Variants in PHYH observed in about 807,000 individuals in gnomAD.
PHYH encodes phytanoyl-CoA 2-hydroxylase.
In PHYH, 32 loss-of-function variants were observed where a neutral mutation model predicts 38.5. The observed-to-expected ratio is 0.83, with a 90% CI of 0.63 to 1.12. The LOEUF is 1.12. PHYH is among the 50% of genes most tolerant of loss of function. The pLI is 0.00. For missense variants in PHYH, 426 were observed against 434.8 expected, an observed-to-expected ratio of 0.98 and a Z score of 0.18; for synonymous variants, 166 against 157.9, an observed-to-expected ratio of 1.05 and a Z score of -0.38.
At chr10:13,289,484 C>T (rs1021638635) in intron 5 of PHYH, among the ~76,000 whole-genome samples, 1 of 152,196 alleles carries the variant, frequency 6.6e-6, no homozygotes, top group Non-Finnish European at 1.5e-5. Flanking sequence ...CGTGAGCCAC[C>T]ACGCCCGGCC....
intron 7 of PHYH, among the ~76,000 whole-genome samples, chr10:13,281,381 G>A (rs1835410629): frequency 6.7e-6 from 1 of 150,174 alleles, no homozygotes; most frequent in Admixed American, 6.6e-5. Flanking sequence ...ATGGAATTAT[G>A]TCAGTAAGAG....
intron 1 of PHYH, 141 bp downstream of exon 1, chr10:13,299,827 G>C (rs577124963): frequency 7.5e-7 from 1 of 1,325,002 alleles, no homozygotes; most frequent in African/African-American, 1.6e-5. Context: ...ACGCGACCCA[G>C]GCGGGGACGC....
chr10:13,298,897 A>G (rs11258314), intron 1 of PHYH, among the ~76,000 whole-genome samples: 93,058 of 146,160 alleles, frequency 0.64, 30,496 homozygotes, highest in East Asian at 0.79. Flanking sequence ...CTCCAGCCTG[A>G]CCACAGAGCA....
At chr10:13,292,934 A>T (rs1835749065) in intron 4 of PHYH, among the ~76,000 whole-genome samples, 1 of 6,054 alleles carries the variant, frequency 1.7e-4, no homozygotes, top group Non-Finnish European at 3.8e-4. Flanking sequence ...ACTCTGTCTC[A>T]AAAAAAAAAA....
chr10:13,298,561 C>T (rs1463166005), intron 1 of PHYH, among the ~76,000 whole-genome samples: 1 of 151,882 alleles, frequency 6.6e-6, no homozygotes, highest in African/African-American at 2.4e-5. Flanking sequence ...ATTAGCCAGG[C>T]GTGGTGGCGT....
rs140995522 is a variant in PHYH, at chr10:13,288,345, G to A, written c.678+15C>T. Reference sequence around the variant, plus strand: ...AGGAGATTCGGATCAAGACTCAGCCGCCGGGCAGACCTACCTCCCACTTGG... The same window carrying A: ...AGGAGATTCGGATCAAGACTCAGCCACCGGGCAGACCTACCTCCCACTTGG... On this transcript the variant is annotated intron_variant, in intron 6 of 8. Coordinates refer to ENST00000263038, the MANE Select transcript of PHYH (RefSeq NM_006214.4). 6.8e-3 allele frequency: 10,935 copies of A among 1,612,226 alleles called. 58 individuals are homozygous for A. Among genetic ancestry groups the A allele is most frequent in the Non-Finnish European group, 7.6e-3 (9,001 of 1,179,148 alleles).
intron 7 of PHYH, among the ~76,000 whole-genome samples, chr10:13,282,215 C>T (rs1472368634): frequency 6.6e-6 from 1 of 152,152 alleles, no homozygotes; most frequent in African/African-American, 2.4e-5. Flanking sequence ...TGCACCACTG[C>T]ACTCCAGCCT....
intron 6 of PHYH, among the ~76,000 whole-genome samples, chr10:13,287,899 G>A (rs1835593667): frequency 6.6e-6 from 1 of 152,118 alleles, no homozygotes; most frequent in South Asian, 2.1e-4. Flanking sequence ...ACGTGTTAAG[G>A]GCAGGTACAG....
chr10:13,282,417 C>A (rs1835433563), intron 7 of PHYH, among the ~76,000 whole-genome samples: 2 of 151,892 alleles, frequency 1.3e-5, no homozygotes, highest in Admixed American at 6.6e-5. Context: ...CTGGGGAAAC[C>A]CCATCTCTAC....
chr10:13,298,265 A>C lies in PHYH; in HGVS notation c.76-20T>G. ...AGCTACCTAGGATGTGAATTAAGGC[A>C]AATAAAGTAAAATATAGAAGGCCAG... On this transcript the variant is annotated intron_variant, in intron 1 of 8. Coordinates refer to ENST00000263038, the MANE Select transcript of PHYH (RefSeq NM_006214.4). The C allele has an allele frequency of 2.0e-6, 3 of 1,507,558 alleles. No individual in the cohort carries two copies. The highest frequency in any genetic ancestry group is 2.8e-6 in the Non-Finnish European group (3 of 1,083,110). The allele number at this position is 1,507,558 out of a possible 1,614,324, so 93.4% of individuals were successfully genotyped here.
At chr10:13,281,253 G>C (rs1835408423) in intron 7 of PHYH, 143 bp from the exon 8 acceptor site, 1 of 800,950 alleles carries the variant, frequency 1.2e-6, no homozygotes, top group South Asian at 1.5e-5. Context: ...TGCATCCTGT[G>C]TCAATCTCTT....
chr10:13,296,724 CT>C (rs1588518262), intron 2 of PHYH, among the ~76,000 whole-genome samples: 1 of 148,112 alleles, frequency 6.8e-6, no homozygotes, highest in East Asian at 1.9e-4. Context: ...CTTTGGGAGG[CT>C]GAGGTGGGCG....
At chr10:13,286,129 C>G (rs1255214719) in intron 6 of PHYH, among the ~76,000 whole-genome samples, 2 of 152,026 alleles carry the variant, frequency 1.3e-5, no homozygotes, top group African/African-American at 4.8e-5. Flanking sequence ...CCAGGCTGGT[C>G]CTGAACTCCT....
At chr10:13,289,325 A>C (rs1275899186) in intron 5 of PHYH, among the ~76,000 whole-genome samples, 1 of 152,016 alleles carries the variant, frequency 6.6e-6, no homozygotes, top group Admixed American at 6.6e-5. Flanking sequence ...CCTCCCGAGT[A>C]GCTGGGACTA....
intron 8 of PHYH, among the ~76,000 whole-genome samples, chr10:13,279,834 G>A (rs189769772): frequency 1.4e-4 from 21 of 152,276 alleles, no homozygotes; most frequent in African/African-American, 5.1e-4. Flanking sequence ...AGCTCCAGTT[G>A]ACAAAATGTA....
intron 4 of PHYH, among the ~76,000 whole-genome samples, chr10:13,293,504 GTGTC>G (rs952702975): frequency 4.6e-5 from 7 of 152,060 alleles, no homozygotes; most frequent in African/African-American, 1.7e-4. Context: ...GTTTCACCAT[GTGTC>G]TCAGGCTGGT....
At position 13,288,494 on chromosome 10, in the gene PHYH, G is replaced by A. The variant is rs773050136; in HGVS notation, c.544C>T (p.Pro182Ser). 1 of 1,614,192 alleles carries A rather than the reference G, an allele frequency of 6.2e-7. No individual in the cohort carries two copies. Among genetic ancestry groups the A allele is most frequent in the South Asian group, 1.1e-5 (1 of 91,084 alleles). Residue 182 changes from proline to serine, a missense_variant, in exon 6 of 9, where the codon CCC (proline) becomes TCC (serine). Coordinates refer to ENST00000263038, the MANE Select transcript of PHYH (RefSeq NM_006214.4). ...HPLHQDLHYF[P>S]FRPSDLIVCA... ...ACGATGAGATCGCTGGGCCTGAAGGGGAAATAGTGCAGGTCCTGGTGCAGG... is the reference window on the plus strand; with the variant it reads ...ACGATGAGATCGCTGGGCCTGAAGGAGAAATAGTGCAGGTCCTGGTGCAGG...
At chr10:13,285,544 T>C (rs1397931924) in intron 6 of PHYH, among the ~76,000 whole-genome samples, 1 of 151,992 alleles carries the variant, frequency 6.6e-6, no homozygotes, top group African/African-American at 2.4e-5. Context: ...TCATTCTCCC[T>C]GCTTTAACAA....
At chr10:13,291,522 A>G (rs558309306) in intron 5 of PHYH, 1 of 388,926 alleles carries the variant, frequency 2.6e-6, no homozygotes, top group South Asian at 2.8e-5. Flanking sequence ...TCACTGTGTC[A>G]CGCAGGCTGG....
Sources: allele counts gnomAD v4.1 joint callset (sites outside exome capture counted in the v4.1 genomes callset), GRCh38; gene constraint gnomAD v4.1.1; transcripts MANE v1.5; gene names NCBI Gene and HGNC (gene_info 2026-07-23, HGNC 2026-07-21).